The following UGT1A8 variants were observed in gnomAD, a reference collection of about 807,000 sequenced individuals.
UGT1A8 encodes the protein UDP glucuronosyltransferase family 1 member A8, also known as UDP-glucuronosyltransferase 1A8.
Under a neutral mutation model 45.3 loss-of-function variants are expected in UGT1A8, and 39 were observed. That is an observed-to-expected ratio of 0.86 (90% CI 0.67 to 1.12). UGT1A8 has a LOEUF of 1.12. UGT1A8 is among the 50% of genes most tolerant of loss of function. The probability of loss-of-function intolerance (pLI) is 0.00; values close to 1 mark genes in which losing one functional copy is unlikely to be tolerated. For synonymous variants in UGT1A8, 275 were observed against 249.2 expected, an observed-to-expected ratio of 1.10 and a Z score of -0.97; for missense variants, 719 against 664.9, an observed-to-expected ratio of 1.08 and a Z score of -0.90.
intron 1 of UGT1A8, among the ~76,000 whole-genome samples, chr2:233,690,163 G>T (rs1373821993): frequency 1.3e-5 from 2 of 152,186 alleles, no homozygotes. Context: ...TTGACATGTA[G>T]TTATGTTTTT....
At chr2:233,735,055 G>A (rs1012259706) in intron 1 of UGT1A8, among the ~76,000 whole-genome samples, 1 of 152,132 alleles carries the variant, frequency 6.6e-6, no homozygotes, top group Non-Finnish European at 1.5e-5. Context: ...CTGAGTTCAG[G>A]TCCTGGATAT....
At chr2:233,765,999 C>T (rs1036845415) in intron 1 of UGT1A8, among the ~76,000 whole-genome samples, 2 of 151,990 alleles carry the variant, frequency 1.3e-5, no homozygotes, top group Non-Finnish European at 1.5e-5. Flanking sequence ...CTCCAGTGGG[C>T]GTGGGTTATG....
intron 1 of UGT1A8, chr2:233,637,495 T>G (rs2073328984): frequency 6.7e-7 from 1 of 1,491,506 alleles, no homozygotes; most frequent in Admixed American, 2.3e-5. Context: ...TTCTTTCCAG[T>G]TTAACAAATT....
intron 1 of UGT1A8, among the ~76,000 whole-genome samples, chr2:233,655,431 C>T (rs1431617846): frequency 1.3e-5 from 2 of 152,146 alleles, no homozygotes; most frequent in African/African-American, 2.4e-5. Flanking sequence ...GGAAGCTGGC[C>T]ACATCATTAG....
At chr2:233,737,930 G>C (rs867585936) in intron 1 of UGT1A8, among the ~76,000 whole-genome samples, 3 of 152,128 alleles carry the variant, frequency 2.0e-5, no homozygotes, top group African/African-American at 7.2e-5. Flanking sequence ...ATTTAGTAGT[G>C]AGTCCATTGA....
chr2:233,738,565 G>A (rs1000487270), intron 1 of UGT1A8, among the ~76,000 whole-genome samples: 1 of 152,204 alleles, frequency 6.6e-6, no homozygotes, highest in African/African-American at 2.4e-5. Context: ...TGAGGAATCT[G>A]TTGAGAACTG....
intron 1 of UGT1A8, among the ~76,000 whole-genome samples, chr2:233,644,916 C>A (rs1463142564): frequency 6.6e-6 from 1 of 152,096 alleles, no homozygotes; most frequent in Admixed American, 6.5e-5. Flanking sequence ...TGTCCAGATT[C>A]TTTTCCAGTA....
chr2:233,668,122 T>G (rs573407271), intron 1 of UGT1A8, among the ~76,000 whole-genome samples: 2 of 152,224 alleles, frequency 1.3e-5, no homozygotes, highest in African/African-American at 4.8e-5. Flanking sequence ...TTGTTACATA[T>G]GTATACATGT....
chr2:233,750,292 G>T (rs1321063731), intron 1 of UGT1A8, among the ~76,000 whole-genome samples: 1 of 151,952 alleles, frequency 6.6e-6, no homozygotes, highest in Non-Finnish European at 1.5e-5. Context: ...GTGGCATTTT[G>T]CCCCTGCCCT....
intron 1 of UGT1A8, among the ~76,000 whole-genome samples, chr2:233,712,590 A>C (rs1407405670): frequency 6.6e-6 from 1 of 152,212 alleles, no homozygotes; most frequent in Non-Finnish European, 1.5e-5. Context: ...AGCAGAGACC[A>C]TATGGTTGGG....
chr2:233,719,373 A>G (rs772532709), intron 1 of UGT1A8: 4 of 1,613,970 alleles, frequency 2.5e-6, no homozygotes. Flanking sequence ...CTTTAAGGGC[A>G]CACAGTGTCC....
At chr2:233,755,813 A>T (rs1317393692) in intron 1 of UGT1A8, 3 of 152,236 alleles carry the variant, frequency 2.0e-5, no homozygotes, top group African/African-American at 7.2e-5. Context: ...TTAAAACAGA[A>T]TTAAAAAGAC....
At chr2:233,689,824 G>A (rs2074961035) in intron 1 of UGT1A8, 1 of 450,264 alleles carries the variant, frequency 2.2e-6, no homozygotes, top group African/African-American at 2.0e-5. Flanking sequence ...AACATCTCTG[G>A]ACTCTAACTT....
chr2:233,713,254 A>T (rs1466031598), intron 1 of UGT1A8: 2 of 1,614,136 alleles, frequency 1.2e-6, no homozygotes, highest in Non-Finnish European at 1.7e-6. Flanking sequence ...ACCCAGGACG[A>T]ATTTGATCGC....
intron 1 of UGT1A8, among the ~76,000 whole-genome samples, chr2:233,696,419 C>T (rs1480641508): frequency 6.6e-6 from 1 of 152,042 alleles, no homozygotes; most frequent in African/African-American, 2.4e-5. Flanking sequence ...ATTTCCTTTT[C>T]AGTTTTTTCT....
At chr2:233,684,901 G>GT (rs1241659927) in intron 1 of UGT1A8, among the ~76,000 whole-genome samples, 1 of 152,076 alleles carries the variant, frequency 6.6e-6, no homozygotes, top group Non-Finnish European at 1.5e-5. Context: ...AAAGTATACA[G>GT]TTTTTTGTAC....
At chr2:233,630,541 T>C (rs1213778318) in intron 1 of UGT1A8, among the ~76,000 whole-genome samples, 1 of 152,104 alleles carries the variant, frequency 6.6e-6, no homozygotes, top group African/African-American at 2.4e-5. Context: ...GGGTAATTTA[T>C]AAAGAAAAGA....
chr2:233,710,187 G>T (rs760238092), intron 1 of UGT1A8, among the ~76,000 whole-genome samples: 10 of 152,152 alleles, frequency 6.6e-5, no homozygotes, highest in Non-Finnish European at 1.3e-4. Flanking sequence ...TGGACATGTG[G>T]ATAGTTTCCA....
At chr2:233,720,075 T>C (rs1197503417) in intron 1 of UGT1A8, among the ~76,000 whole-genome samples, 1 of 152,184 alleles carries the variant, frequency 6.6e-6, no homozygotes, top group Admixed American at 6.5e-5. Flanking sequence ...ATTAGAATTG[T>C]GGACATGATA....
Sources: gnomAD v4.1 joint callset for allele counts (sites outside exome capture counted in the v4.1 genomes callset) on GRCh38, gnomAD v4.1.1 for gene constraint, MANE v1.5 for transcripts, NCBI Gene and HGNC (gene_info 2026-07-23, HGNC 2026-07-21) for gene names.